Variants in CEP290 observed in about 807,000 individuals in gnomAD.
CEP290 encodes the protein centrosomal protein 290, also known as centrosomal protein of 290 kDa.
Under a neutral mutation model 344.9 loss-of-function variants are expected in CEP290, and 317 were observed. That is an observed-to-expected ratio of 0.92 (90% CI 0.84 to 1.01). CEP290 has a LOEUF of 1.01. Among genes scored for constraint, CEP290 ranks in the 50% least tolerant of loss-of-function variants. The pLI, the probability that CEP290 is intolerant of heterozygous loss-of-function variation, is 0.00. For missense variants in CEP290, 2,754 were observed against 2,761.4 expected (o/e 1.00, Z 0.06); for synonymous variants, 932 against 895.8 (o/e 1.04, Z -0.72).
At chr12:88,103,623 A>C (rs2038063277) in intron 25 of CEP290, 1 of 152,184 alleles carries the variant, frequency 6.6e-6, no homozygotes, top group Non-Finnish European at 1.5e-5. Flanking sequence ...TGAAATGTCC[A>C]AACTTACAGT....
At chr12:88,088,106 T>C (rs1307493891) in intron 31 of CEP290, among the ~76,000 whole-genome samples, 162 bp from the exon 32 acceptor site, 1 of 152,226 alleles carries the variant, frequency 6.6e-6, no homozygotes, top group African/African-American at 2.4e-5. Flanking sequence ...TTATTTAGGA[T>C]TTCCATAGAC....
intron 3 of CEP290, among the ~76,000 whole-genome samples, 192 bp from the exon 4 acceptor site, chr12:88,139,756 C>G (rs565014585): frequency 4.9e-4 from 74 of 152,232 alleles, no homozygotes; most frequent in Non-Finnish European, 8.1e-4. Context: ...GAGATAGGGC[C>G]TCACTTTGTC....
chr12:88,100,269 C>CAA (rs1027496923), intron 26 of CEP290, among the ~76,000 whole-genome samples: 5 of 140,686 alleles, frequency 3.6e-5, no homozygotes, highest in Non-Finnish European at 4.7e-5. Context: ...GACTCTGTTT[C>CAA]AAAAAAAAAA....
intron 23 of CEP290, among the ~76,000 whole-genome samples, 183 bp from the exon 24 acceptor site, chr12:88,107,281 A>T (rs954104695): frequency 3.9e-5 from 6 of 152,188 alleles, no homozygotes; most frequent in East Asian, 1.9e-4. Flanking sequence ...AGAATTAAAA[A>T]TTTTTTAAAT....
At position 88,106,676 on chromosome 12, in the gene CEP290, T is replaced by C; in HGVS notation, c.2816A>G (p.Lys939Arg). Residue 939 changes from lysine to arginine, a missense_variant and splice_region_variant, in exon 25 of 54, where the codon AAG (lysine) becomes AGG (arginine). Transcript: ENST00000552810. ...AAGCAAAATAAGAATCAGATGTACC[T>C]TAAATCTTTGCAAACACCCAATTTT... ...CEKIGCLQRF[K>R]EMAIFKIAAL... 1 of 1,602,960 alleles carries C rather than the reference T, an allele frequency of 6.2e-7. No homozygotes were observed.
At chr12:88,125,429 G>A (rs2039671308) in intron 12 of CEP290, 60 bp from the exon 13 acceptor site, 1 of 901,324 alleles carries the variant, frequency 1.1e-6, no homozygotes, top group Non-Finnish European at 1.5e-6. Flanking sequence ...AAAAGGTAAG[G>A]AAAAAAGTAC....
intron 49 of CEP290, among the ~76,000 whole-genome samples, chr12:88,056,123 T>C (rs973264508): frequency 6.6e-5 from 10 of 151,942 alleles, no homozygotes; most frequent in Non-Finnish European, 1.3e-4. Context: ...ATAGGAGGTA[T>C]CTAGGTAGGA....
At chr12:88,111,576 G>T (rs898235037) in intron 21 of CEP290, 118 bp downstream of exon 21, 8 of 909,450 alleles carry the variant, frequency 8.8e-6, no homozygotes, top group African/African-American at 1.8e-5. Flanking sequence ...TCTTAATATT[G>T]AAAGAATTAA....
At position 88,120,117 on chromosome 12, in the gene CEP290, C is replaced by T. The variant is rs758141110; in HGVS notation, c.1519G>A (p.Val507Met). 6.5e-7 allele frequency: 1 copy of T among 1,528,426 alleles called. No individual in the cohort carries two copies. Among genetic ancestry groups the T allele is most frequent in the South Asian group, 1.3e-5 (1 of 75,102 alleles). 94.7% of individuals were successfully genotyped at this position (1,528,426 alleles called of 1,614,324 possible). Residue 507 changes from valine to methionine, a missense_variant, in exon 15 of 54, where the codon GTG (valine) becomes ATG (methionine). By Grantham distance (21) the Val-to-Met change is conservative. Transcript: ENST00000552810. Reference protein sequence around the residue: ...LDENEALRERVGLEPKTMIDL... With the variant: ...LDENEALRERMGLEPKTMIDL... Reference sequence around the variant, plus strand: ...TGTAACTTAAAACATGGCTTACCCACACGCTCTCTAAGTGCCTCATTTTCA... The same window carrying T: ...TGTAACTTAAAACATGGCTTACCCATACGCTCTCTAAGTGCCTCATTTTCA...
In CEP290 at chr12:88,111,766, T is replaced by G. The variant is rs778429030; in HGVS notation, c.2145A>C (p.Leu715Phe). The G allele has an allele frequency of 6.2e-7, 1 of 1,607,160 alleles. No individual in the cohort carries two copies. The highest frequency in any genetic ancestry group is 8.5e-7 in the Non-Finnish European group (1 of 1,177,256). The change falls in exon 21 of 54, where the codon TTA becomes TTC. Residue 715 changes from leucine to phenylalanine, a missense_variant. Leu to Phe is a conservative substitution (Grantham distance 22). Transcript: ENST00000552810. Reference protein sequence around the residue: ...VDQLTGRNEELRQELRESRKE... With the variant: ...VDQLTGRNEEFRQELRESRKE... ...TCCGAGATTCCCTGAGCTCCTGTCT[T>G]AATTCTTCATTTCTTCCGGTAAGCT...
rs2039206485 is a variant in CEP290, at chr12:88,118,539, A to C, written c.1655T>G (p.Leu552Arg). 6.3e-7 allele frequency: 1 copy of C among 1,579,834 alleles called. No individual in the cohort carries two copies. Among genetic ancestry groups the C allele is most frequent in the African/African-American group, 1.3e-5 (1 of 74,192 alleles). ...IESLEEERLD[L>R]KKKIRQMAQE... The stretch of plus-strand genomic sequence containing the variant: ...AGCCATTTGACGAATTTTTTTTTTC[A>C]GATCAAGTCGTTCTTCCTCTAGACT... Residue 552 changes from leucine (L) to arginine (R), a missense_variant, in exon 17 of 54, where the codon CTG (leucine) becomes CGG (arginine). By Grantham distance (102) the Leu-to-Arg change is moderately radical (BLOSUM62 -2). Coordinates refer to ENST00000552810, the MANE Select transcript of CEP290 (RefSeq NM_025114.4).
Position 88,079,189 on chromosome 12 carries a change from G to A in CEP290, c.5267C>T (p.Thr1756Ile), listed in dbSNP as rs2036004036. ...AATAATACGTTCTTCAGCAGCTGCT[G>A]TCATTTCTGCCCGGAGTTCTAAAAG... ...RALLELRAEM[T>I]AAAEERIISA... Residue 1756 changes from threonine (T) to isoleucine (I), a missense_variant, in exon 39 of 54, where the codon ACA (threonine) becomes ATA (isoleucine). By Grantham distance (89) the Thr-to-Ile change is moderately conservative. Transcript: ENST00000552810. 4 of 1,599,424 alleles carry A rather than the reference G, an allele frequency of 2.5e-6. No homozygotes were observed. The highest frequency in any genetic ancestry group is 1.4e-5 in the African/African-American group (1 of 73,984).
intron 50 of CEP290, among the ~76,000 whole-genome samples, 199 bp from the exon 51 acceptor site, chr12:88,054,612 A>T (rs1001799197): frequency 6.6e-6 from 1 of 152,212 alleles, no homozygotes; most frequent in Non-Finnish European, 1.5e-5. Flanking sequence ...CTAGGCACAG[A>T]GGCTAACAGC....
chr12:88,126,438 G>T lies in CEP290; in HGVS notation c.943C>A (p.Leu315Ile). ...AVNAKVEEWKLILSSKDDEII... is the reference protein window; with the variant it reads ...AVNAKVEEWKIILSSKDDEII... ...TCATCATCTTTAGAAGACAAAATTA[G>T]CTAGAAATAAACACAATAGAATCTG... The change falls in exon 12 of 54, where the codon CTA becomes ATA. Residue 315 changes from leucine to isoleucine, a missense_variant and splice_region_variant. Leu to Ile is a conservative substitution (Grantham distance 5). Coordinates refer to ENST00000552810, the MANE Select transcript of CEP290 (RefSeq NM_025114.4). 2 of 1,485,884 alleles carry T rather than the reference G, an allele frequency of 1.3e-6. No homozygotes were observed. The highest frequency in any genetic ancestry group is 2.8e-5 in the South Asian group (2 of 70,962). The allele number at this position is 1,485,884 out of a possible 1,614,324, so 92.0% of individuals were successfully genotyped here. A position where few individuals can be genotyped will look rare whatever the true frequency, so the allele number is the denominator to read the frequency against.
At chr12:88,135,536 G>T (rs1439141814) in intron 6 of CEP290, 1 of 152,120 alleles carries the variant, frequency 6.6e-6, no homozygotes, top group East Asian at 1.9e-4. Context: ...AATGCTCTAA[G>T]AGCTTCTTCC....
At chr12:88,091,194 C>T (rs2037011670) in intron 29 of CEP290, among the ~76,000 whole-genome samples, 1 of 152,040 alleles carries the variant, frequency 6.6e-6, no homozygotes, top group Non-Finnish European at 1.5e-5. Context: ...TGTTCCCATA[C>T]TTTTTTCCAT....
At position 88,050,356 on chromosome 12, in the gene CEP290, T is replaced by A; in HGVS notation, c.7207A>T (p.Lys2403Ter). 2.7e-6 allele frequency: 4 copies of A among 1,473,194 alleles called. No individual in the cohort carries two copies. In the South Asian group the frequency reaches 4.8e-5, roughly 18 times the overall value. 91.3% of individuals were successfully genotyped at this position (1,473,194 alleles called of 1,614,324 possible). The change falls in exon 53 of 54, where the codon AAG becomes TAG. Residue 2403 changes from lysine (K) to a stop codon, truncating the protein, a stop_gained and splice_region_variant. Coordinates refer to ENST00000552810, the MANE Select transcript of CEP290 (RefSeq NM_025114.4). LOFTEE classifies it high-confidence loss of function. ...KMSDLEKQHL[K>*]EEIKKLKKEL... ...ACTAAAATATAATTAAATATTACCT[T>A]CAAATGCTGCTTTTCTAGATCTGAC...
At chr12:88,073,405 ATAT>A (rs1406927003) in intron 41 of CEP290, among the ~76,000 whole-genome samples, 3 of 152,346 alleles carry the variant, frequency 2.0e-5, no homozygotes, top group African/African-American at 7.2e-5. Flanking sequence ...CTAGTTCATT[ATAT>A]TTTCCAATGG....
chr12:88,051,442 A>G (rs2033522111), intron 52 of CEP290, among the ~76,000 whole-genome samples: 1 of 152,042 alleles, frequency 6.6e-6, no homozygotes, highest in South Asian at 2.1e-4. Context: ...CATGTGATCC[A>G]CCCACTTCAG....
Sources: allele counts gnomAD v4.1 joint callset (sites outside exome capture counted in the v4.1 genomes callset), GRCh38; gene constraint gnomAD v4.1.1; transcripts MANE v1.5; gene names NCBI Gene and HGNC (gene_info 2026-07-23, HGNC 2026-07-21).